ARK2C: variants seen among roughly 807,000 people sequenced by gnomAD.
ARK2C encodes the protein E3 ubiquitin-protein ligase ARK2C.
the ARK2C span, among the ~76,000 whole-genome samples, chr18:46,408,571 G>C: frequency 6.6e-6 from 1 of 152,236 alleles, no homozygotes; most frequent in Non-Finnish European, 1.5e-5. Flanking sequence ...GCTGCGGGGA[G>C]GAAGAGAGCA....
the ARK2C span, chr18:46,435,335 A>G: frequency 2.5e-6 from 4 of 1,614,024 alleles, no homozygotes; most frequent in Non-Finnish European, 2.5e-6. Context: ...CCTCCATCCC[A>G]GCTTCGACTT....
At chr18:46,461,123 G>A in the ARK2C span, 1 of 152,292 alleles carries the variant, frequency 6.6e-6, no homozygotes, top group Non-Finnish European at 1.5e-5. Flanking sequence ...CTTCTTAGAA[G>A]GAGCCCTGGA....
the ARK2C span, among the ~76,000 whole-genome samples, chr18:46,370,077 C>T: frequency 6.6e-6 from 1 of 152,230 alleles, no homozygotes; most frequent in African/African-American, 2.4e-5. Flanking sequence ...AAAGGCCTTG[C>T]TGCTCCTCTT....
the ARK2C span, among the ~76,000 whole-genome samples, chr18:46,427,900 T>C: frequency 1.3e-5 from 2 of 151,846 alleles, no homozygotes; most frequent in Non-Finnish European, 2.9e-5. Context: ...GGCAGGGTGG[T>C]ATTTCTGGAG....
the ARK2C span, among the ~76,000 whole-genome samples, chr18:46,369,665 A>T: frequency 6.6e-6 from 1 of 152,122 alleles, no homozygotes; most frequent in Admixed American, 6.5e-5. Flanking sequence ...TTTCTAGCCT[A>T]TCTCATTTAG....
chr18:46,349,955 G>A, the ARK2C span, among the ~76,000 whole-genome samples: 6 of 152,196 alleles, frequency 3.9e-5, no homozygotes, highest in South Asian at 6.2e-4. Flanking sequence ...ACAGCAGCAC[G>A]CATTCATTTA....
chr18:46,367,872 G>A, the ARK2C span, among the ~76,000 whole-genome samples: 2 of 152,212 alleles, frequency 1.3e-5, no homozygotes, highest in African/African-American at 4.8e-5. Context: ...ATTGCAGTTG[G>A]TGTGGGATGG....
chr18:46,339,718 A>G, the ARK2C span, among the ~76,000 whole-genome samples: 4 of 152,234 alleles, frequency 2.6e-5, no homozygotes, highest in Non-Finnish European at 4.4e-5. Flanking sequence ...AGAAAGACCC[A>G]CTAAGTTAAT....
the ARK2C span, among the ~76,000 whole-genome samples, chr18:46,406,637 C>T: frequency 1.6e-3 from 244 of 152,310 alleles, 2 homozygotes; most frequent in African/African-American, 5.6e-3. Context: ...CTACCTGGCC[C>T]GGGTGCCCTC....
the ARK2C span, among the ~76,000 whole-genome samples, chr18:46,456,337 T>C: frequency 6.6e-6 from 1 of 152,210 alleles, no homozygotes; most frequent in African/African-American, 2.4e-5. Flanking sequence ...TAAGACAAAG[T>C]TGTGGCTTTG....
At chr18:46,368,932 T>C in the ARK2C span, among the ~76,000 whole-genome samples, 1 of 152,200 alleles carries the variant, frequency 6.6e-6, no homozygotes, top group Non-Finnish European at 1.5e-5. Flanking sequence ...ACACAGTAAT[T>C]GCTTAGTGAA....
At chr18:46,369,397 T>G in the ARK2C span, among the ~76,000 whole-genome samples, 8 of 149,134 alleles carry the variant, frequency 5.4e-5, no homozygotes, top group African/African-American at 7.5e-5. Flanking sequence ...GGCAGGGGGG[T>G]GGGAGAGGAC....
the ARK2C span, chr18:46,435,252 C>T: frequency 6.3e-7 from 1 of 1,585,996 alleles, no homozygotes; most frequent in East Asian, 2.2e-5. Context: ...GCCTGGGTAG[C>T]CCCTGACACG....
At chr18:46,450,298 C>T in the ARK2C span, 227 of 1,611,490 alleles carry the variant, frequency 1.4e-4, no homozygotes, top group Middle Eastern at 6.6e-4. Context: ...CCCAACAGGT[C>T]GTCCATGAAA....
the ARK2C span, among the ~76,000 whole-genome samples, chr18:46,452,524 C>T: frequency 0.016 from 2,488 of 152,286 alleles, 67 homozygotes; most frequent in African/African-American, 0.056. Flanking sequence ...AAGTGATCCA[C>T]CCACCTTGGC....
chr18:46,337,039 C>A, the ARK2C span: 1 of 985,304 alleles, frequency 1.0e-6, no homozygotes, highest in Non-Finnish European at 1.2e-6. Context: ...CCGCCCTGGC[C>A]CTCAGAGCTG....
chr18:46,381,887 G>A, the ARK2C span, among the ~76,000 whole-genome samples: 3 of 152,024 alleles, frequency 2.0e-5, no homozygotes, highest in Middle Eastern at 3.4e-3. Context: ...AGGCACCACC[G>A]GCGAGCAGGT....
At chr18:46,408,238 G>A in the ARK2C span, among the ~76,000 whole-genome samples, 66 of 152,312 alleles carry the variant, frequency 4.3e-4, no homozygotes, top group South Asian at 0.013. Flanking sequence ...TCAGGGGAAG[G>A]TCCGCAGAAG....
At chr18:46,444,740 T>A in the ARK2C span, among the ~76,000 whole-genome samples, 1 of 152,124 alleles carries the variant, frequency 6.6e-6, no homozygotes, top group Admixed American at 6.5e-5. Context: ...CCCAAAATGC[T>A]GGGATTAGAG....
Sources: gnomAD v4.1 joint callset for allele counts (sites outside exome capture counted in the v4.1 genomes callset) on GRCh38, gnomAD v4.1.1 for gene constraint, MANE v1.5 for transcripts, NCBI Gene and HGNC (gene_info 2026-07-23, HGNC 2026-07-21) for gene names.